CNTNAP4: variants seen among roughly 807,000 people sequenced by gnomAD.
The protein encoded by CNTNAP4 is contactin associated protein family member 4, also known as contactin-associated protein-like 4.
In CNTNAP4, 98 loss-of-function variants were observed where a neutral mutation model predicts 148.4. The ratio of observed to expected loss-of-function variants is 0.66; its 90% CI spans 0.56 to 0.78. The LOEUF is 0.78. Among genes scored for constraint, CNTNAP4 ranks in the 30% least tolerant of loss-of-function variants. CNTNAP4 has a pLI of 0.00. For missense variants in CNTNAP4, 1,935 were observed against 1,565.6 expected, an observed-to-expected ratio of 1.24 and a Z score of -3.98; for synonymous variants, 730 against 565.1, an observed-to-expected ratio of 1.29 and a Z score of -4.14.
intron 9 of CNTNAP4, among the ~76,000 whole-genome samples, chr16:76,462,774 G>A (rs1028053795): frequency 1.1e-4 from 17 of 152,230 alleles, no homozygotes; most frequent in East Asian, 5.8e-4. Flanking sequence ...GTTCTTTTCC[G>A]TTAGAAATCC....
At chr16:76,371,874 C>A (rs1220202751) in intron 3 of CNTNAP4, among the ~76,000 whole-genome samples, 2 of 152,170 alleles carry the variant, frequency 1.3e-5, no homozygotes, top group African/African-American at 4.8e-5. Flanking sequence ...TTAGTTCATC[C>A]CTTTCAATCA....
intron 10 of CNTNAP4, among the ~76,000 whole-genome samples, chr16:76,470,476 A>C (rs1040201510): frequency 2.7e-5 from 1 of 37,442 alleles, no homozygotes; most frequent in Non-Finnish European, 4.7e-5. Flanking sequence ...CCACGTCTCT[A>C]CTAATAATAT....
At chr16:76,527,263 C>A (rs1427957603) in intron 17 of CNTNAP4, among the ~76,000 whole-genome samples, 16 of 152,102 alleles carry the variant, frequency 1.1e-4, no homozygotes, top group Admixed American at 1.0e-3. Context: ...TAGAAGGACC[C>A]TTCTCCCATT....
Position 76,282,458 on chromosome 16 carries a change from A to G in CNTNAP4, c.85+4711A>G, listed in dbSNP as rs768512858. Among the ~76,000 whole-genome samples the G allele has an allele frequency of 2.2e-4, 33 of 151,900 alleles. 1 individual carries two copies. The highest frequency in any genetic ancestry group is 1.2e-4 in the Non-Finnish European group (8 of 67,830). On this transcript the variant is annotated intron_variant, in intron 1 of 23. Coordinates refer to ENST00000611870, the MANE Select transcript of CNTNAP4 (RefSeq NM_033401.5). ...AATTCTGCTGTTATTTTACATTTTC[A>G]TGAGTATAAAATATTCCACTCTATC...
At chr16:76,439,088 C>T (rs552588162) in intron 4 of CNTNAP4, among the ~76,000 whole-genome samples, 5 of 152,074 alleles carry the variant, frequency 3.3e-5, no homozygotes, top group Non-Finnish European at 7.4e-5. Context: ...GAGGATTTGC[C>T]TGCTCTCTTC....
chr16:76,291,506 TC>T (rs1959114573), intron 1 of CNTNAP4, among the ~76,000 whole-genome samples: 1 of 152,202 alleles, frequency 6.6e-6, no homozygotes, highest in South Asian at 2.1e-4. Context: ...TATTATTTTA[TC>T]CCCTTCCAAA....
At chr16:76,292,292 CTTAAAGATAA>C (rs1959146801) in intron 1 of CNTNAP4, among the ~76,000 whole-genome samples, 1 of 152,186 alleles carries the variant, frequency 6.6e-6, no homozygotes, top group Non-Finnish European at 1.5e-5. Flanking sequence ...ATTTATGGCA[CTTAAAGATAA>C]TTCCTTGCCT....
Position 76,360,535 on chromosome 16 carries a change from T to A in CNTNAP4, c.390+5024T>A, listed in dbSNP as rs2013280517. Among the ~76,000 whole-genome samples, 3 of 152,308 alleles carry A rather than the reference T, an allele frequency of 2.0e-5. No individual in the cohort carries two copies. The South Asian group carries it at 6.2e-4, about 32-fold the overall frequency. ...GACCTAAGCCTACAAGCAGCATTTG[T>A]GGTGATAGAAGTTGTAGCAATACTA... is the stretch of plus-strand genomic sequence containing the variant. On this transcript the variant is annotated intron_variant, in intron 3 of 23. Transcript: ENST00000611870.
At chr16:76,461,001 C>T (rs2080940001) in intron 8 of CNTNAP4, among the ~76,000 whole-genome samples, 2 of 151,394 alleles carry the variant, frequency 1.3e-5, no homozygotes, top group South Asian at 2.1e-4. Flanking sequence ...TGTTTAAGGA[C>T]GTCTGCTTTA....
intron 2 of CNTNAP4, among the ~76,000 whole-genome samples, chr16:76,331,872 C>G (rs1963559234): frequency 6.6e-6 from 1 of 152,142 alleles, no homozygotes; most frequent in South Asian, 2.1e-4. Flanking sequence ...CCAAAGGACT[C>G]CCTTTGACAT....
intron 4 of CNTNAP4, among the ~76,000 whole-genome samples, chr16:76,432,092 C>T (rs8058332): frequency 0.015 from 2,331 of 152,160 alleles, 67 homozygotes; most frequent in African/African-American, 0.053. Flanking sequence ...TATGTTTGAT[C>T]GACTACTCAT....
chr16:76,467,964 A>G (rs962709637), intron 10 of CNTNAP4, among the ~76,000 whole-genome samples: 3 of 152,144 alleles, frequency 2.0e-5, no homozygotes, highest in Admixed American at 1.3e-4. Flanking sequence ...AGGCAGGGGA[A>G]TTCAGCTGGT....
chr16:76,527,691 G>A lies in CNTNAP4; in HGVS notation c.2755+5434G>A, dbSNP rs143661240. On this transcript the variant is annotated intron_variant, in intron 17 of 23. Transcript: ENST00000611870. ...TTAAACATACAACAGGAGGACTATAGTTAATAAAATTGTATGGTATTTGAG... is the reference window on the plus strand; with the variant it reads ...TTAAACATACAACAGGAGGACTATAATTAATAAAATTGTATGGTATTTGAG... 7.1e-4 allele frequency among the ~76,000 whole-genome samples: 108 copies of A among 152,200 alleles called. 2 individuals carry two copies. The East Asian group carries it at 0.02, about 28-fold the overall frequency.
rs116751290 is a variant in CNTNAP4 at position 76,360,435 on chromosome 16, A to G, written c.390+4924A>G. On this transcript the variant is annotated intron_variant, in intron 3 of 23. Coordinates refer to ENST00000611870, the MANE Select transcript of CNTNAP4 (RefSeq NM_033401.5). ...GAGGAGGCAGAAGTGCAAAAGAGAT[A>G]TAAGCTGTAGGGTAGGTGACTCTCC... Among the ~76,000 whole-genome samples the G allele has an allele frequency of 4.8e-3, 729 of 152,334 alleles. 3 individuals carry two copies. The highest frequency in any genetic ancestry group is 0.016 in the African/African-American group (656 of 41,580).
At position 76,351,408 on chromosome 16, in the gene CNTNAP4, C is replaced by T. The variant is rs189865140; in HGVS notation, c.197-3910C>T. 2.2e-4 allele frequency among the ~76,000 whole-genome samples: 34 copies of T among 152,108 alleles called. No individual in the cohort carries two copies. The East Asian group carries it at 3.9e-3, about 17-fold the overall frequency. ...CAAAGAATAATCAATTTATCTCTATCGCTCAGTCTATCTGTCTAGCTTATG... is the reference window on the plus strand; with the variant it reads ...CAAAGAATAATCAATTTATCTCTATTGCTCAGTCTATCTGTCTAGCTTATG... On this transcript the variant is annotated intron_variant, in intron 2 of 23. Coordinates refer to ENST00000611870, the MANE Select transcript of CNTNAP4 (RefSeq NM_033401.5).
chr16:76,390,076 A>G (rs2016846024), intron 3 of CNTNAP4, among the ~76,000 whole-genome samples: 1 of 152,150 alleles, frequency 6.6e-6, no homozygotes, highest in African/African-American at 2.4e-5. Flanking sequence ...GTCTCAATGT[A>G]TCCATCAGAG....
chr16:76,329,533 A>C (rs1169369328), intron 2 of CNTNAP4, among the ~76,000 whole-genome samples: 1 of 152,218 alleles, frequency 6.6e-6, no homozygotes, highest in Non-Finnish European at 1.5e-5. Flanking sequence ...AGCCATAGAA[A>C]AAATTGTGTG....
chr16:76,340,842 A>C (rs189643867), intron 2 of CNTNAP4, among the ~76,000 whole-genome samples: 33 of 152,264 alleles, frequency 2.2e-4, no homozygotes, highest in Admixed American at 1.2e-3. Context: ...GATCAAGGAG[A>C]TATGTCTGCA....
At chr16:76,299,695 G>C (rs1377095022) in intron 1 of CNTNAP4, among the ~76,000 whole-genome samples, 3 of 152,106 alleles carry the variant, frequency 2.0e-5, no homozygotes, top group Admixed American at 2.0e-4. Flanking sequence ...CACACGCACA[G>C]GTATGTTTAT....
Sources: gnomAD v4.1 joint callset for allele counts (sites outside exome capture counted in the v4.1 genomes callset) on GRCh38, gnomAD v4.1.1 for gene constraint, MANE v1.5 for transcripts, NCBI Gene and HGNC (gene_info 2026-07-23, HGNC 2026-07-21) for gene names.